Variants in ARNT2 observed in about 807,000 individuals in gnomAD.
ARNT2 encodes ARNT protein 2.
In ARNT2, 36 loss-of-function variants were observed where a neutral mutation model predicts 91.7. That is an observed-to-expected ratio of 0.39 (90% CI 0.30 to 0.52). The LOEUF (loss-of-function observed/expected upper bound fraction) is 0.52. ARNT2 is among the 20% of genes least tolerant of loss of function. The pLI, the probability that ARNT2 is intolerant of heterozygous loss-of-function variation, is 0.72. For synonymous variants in ARNT2, 365 were observed against 347.1 expected, an observed-to-expected ratio of 1.05 and a Z score of -0.57; for missense variants, 775 against 939.3, an observed-to-expected ratio of 0.83 and a Z score of 2.29.
intron 1 of ARNT2, among the ~76,000 whole-genome samples, chr15:80,419,355 G>T (rs1895830320): frequency 6.6e-6 from 1 of 152,230 alleles, no homozygotes; most frequent in South Asian, 2.1e-4. Context: ...AACTCACCTG[G>T]TTCAGGATGG....
chr15:80,479,088 G>A (rs779970887), intron 5 of ARNT2, among the ~76,000 whole-genome samples: 1 of 152,190 alleles, frequency 6.6e-6, no homozygotes, highest in Non-Finnish European at 1.5e-5. Context: ...TCTCAGTGGT[G>A]ATTCAATGTC....
intron 8 of ARNT2, among the ~76,000 whole-genome samples, chr15:80,536,513 AT>A (rs1489390619): frequency 6.6e-6 from 1 of 152,146 alleles, no homozygotes; most frequent in Non-Finnish European, 1.5e-5. Flanking sequence ...CCCTTTTCGT[AT>A]TGACACAGCT....
intron 8 of ARNT2, among the ~76,000 whole-genome samples, chr15:80,522,798 ATGTGTGTG>A (rs367547537): frequency 1.1e-4 from 16 of 142,506 alleles, no homozygotes; most frequent in East Asian, 4.0e-4. Flanking sequence ...ATATTTACAT[ATGTGTGTG>A]TGTGTGTGTG....
intron 12 of ARNT2, among the ~76,000 whole-genome samples, chr15:80,572,197 AG>A (rs990426007): frequency 1.3e-5 from 2 of 151,968 alleles, no homozygotes; most frequent in African/African-American, 4.8e-5. Context: ...GGCACCTAGC[AG>A]GGGGCCAGGG....
At chr15:80,425,182 A>T (rs1895915830) in intron 1 of ARNT2, among the ~76,000 whole-genome samples, 1 of 152,242 alleles carries the variant, frequency 6.6e-6, no homozygotes, top group Non-Finnish European at 1.5e-5. Context: ...AGACTCAAAC[A>T]TATCTCCGAG....
chr15:80,541,730 A>G (rs1897909193), intron 8 of ARNT2, among the ~76,000 whole-genome samples: 2 of 152,224 alleles, frequency 1.3e-5, no homozygotes, highest in Non-Finnish European at 2.9e-5. Flanking sequence ...TATTGTGCAA[A>G]CAATGCTTGG....
At chr15:80,534,993 A>G (rs1036607020) in intron 8 of ARNT2, among the ~76,000 whole-genome samples, 2 of 152,202 alleles carry the variant, frequency 1.3e-5, no homozygotes, top group Non-Finnish European at 2.9e-5. Flanking sequence ...CAGAGACCCA[A>G]CAAATCAGGA....
At position 80,552,714 on chromosome 15, in the gene ARNT2, C is replaced by T. The variant is rs139389870; in HGVS notation, c.1029C>T (p.Ser343=). 2.3e-4 allele frequency: 372 copies of T among 1,614,072 alleles called. 2 individuals are homozygous for T. The African/African-American group carries it at 4.1e-3, about 18-fold the overall frequency. ...CAGAGTTCTTATCCCGGCATAACTC[C>T]GATGGAATCATCACATTTGTGGATC... is the stretch of plus-strand genomic sequence containing the variant. ...VPTEFLSRHN[S]DGIITFVDPR... Residue 343 remains serine (S), a synonymous_variant, in exon 10 of 19, where the codon TCC becomes TCT. Transcript: ENST00000303329.
chr15:80,461,220 A>G (rs1334081874), intron 3 of ARNT2, among the ~76,000 whole-genome samples: 1 of 152,222 alleles, frequency 6.6e-6, no homozygotes, highest in Non-Finnish European at 1.5e-5. Context: ...GTATAAGTGC[A>G]ATTTCCCTCC....
At chr15:80,420,857 A>G (rs1814723742) in intron 1 of ARNT2, among the ~76,000 whole-genome samples, 1 of 152,168 alleles carries the variant, frequency 6.6e-6, no homozygotes, top group African/African-American at 2.4e-5. Flanking sequence ...GGTAACTGAA[A>G]GTGAAAGATA....
intron 8 of ARNT2, among the ~76,000 whole-genome samples, chr15:80,528,755 C>G (rs1299558010): frequency 6.6e-6 from 1 of 152,166 alleles, no homozygotes; most frequent in Non-Finnish European, 1.5e-5. Flanking sequence ...CCTTCACCTT[C>G]CACCAGAGTA....
chr15:80,410,329 G>GA (rs1895662938), intron 1 of ARNT2, among the ~76,000 whole-genome samples: 2 of 152,302 alleles, frequency 1.3e-5, no homozygotes, highest in Non-Finnish European at 2.9e-5. Context: ...AGGAGTTAGG[G>GA]GAAGAGTCAA....
intron 4 of ARNT2, among the ~76,000 whole-genome samples, chr15:80,471,388 T>C (rs976783299): frequency 6.6e-6 from 1 of 151,590 alleles, no homozygotes; most frequent in Non-Finnish European, 1.5e-5. Flanking sequence ...AGGATGGAGG[T>C]TGGGAGGAGG....
chr15:80,578,825 T>G (rs913652229), intron 15 of ARNT2, among the ~76,000 whole-genome samples: 3 of 152,208 alleles, frequency 2.0e-5, no homozygotes, highest in Non-Finnish European at 2.9e-5. Flanking sequence ...CTGTTAGGGC[T>G]AAAGCCTGTG....
intron 3 of ARNT2, among the ~76,000 whole-genome samples, chr15:80,461,932 T>C (rs1282128247): frequency 2.0e-5 from 3 of 152,126 alleles, no homozygotes; most frequent in African/African-American, 7.2e-5. Flanking sequence ...AAACCCTGTG[T>C]CTTTGGAAAA....
At chr15:80,579,596 T>C (rs113431089) in intron 15 of ARNT2, among the ~76,000 whole-genome samples, 3 of 152,270 alleles carry the variant, frequency 2.0e-5, no homozygotes, top group African/African-American at 4.8e-5. Context: ...CCCAGCGCAC[T>C]GCCCTGCATG....
intron 8 of ARNT2, among the ~76,000 whole-genome samples, chr15:80,536,049 G>T (rs1190990501): frequency 6.6e-6 from 1 of 152,162 alleles, no homozygotes; most frequent in Admixed American, 6.5e-5. Context: ...TTATGGTCTA[G>T]AAAACCAAAC....
Position 80,404,604 on chromosome 15 carries a change from G to C in ARNT2, c.31+58G>C. 1 of 1,020,646 alleles carries C rather than the reference G, an allele frequency of 9.8e-7. No homozygotes were observed. The highest frequency in any genetic ancestry group is 1.2e-6 in the Non-Finnish European group (1 of 852,592). 63.2% of individuals were successfully genotyped at this position (1,020,646 alleles called of 1,614,324 possible). ...CAGCCCGCAGGCCTTGCCCGGGGCC[G>C]GAGCGGACCAGGCGCGCCGGGCGCC... is the stretch of plus-strand genomic sequence containing the variant. On this transcript the variant is annotated intron_variant, in intron 1 of 18. Coordinates refer to ENST00000303329, the MANE Select transcript of ARNT2 (RefSeq NM_014862.4). This position sits in a 1 kb window ranked among gnomAD's most constrained non-coding sequence, Gnocchi z 5.5.
chr15:80,412,092 A>T (rs1339022563), intron 1 of ARNT2, among the ~76,000 whole-genome samples: 1 of 152,254 alleles, frequency 6.6e-6, no homozygotes, highest in African/African-American at 2.4e-5. Flanking sequence ...CCTCTGATTG[A>T]ATAGTGCAGG....
Sources: allele counts gnomAD v4.1 joint callset (sites outside exome capture counted in the v4.1 genomes callset), GRCh38; gene constraint gnomAD v4.1.1; non-coding constraint Gnocchi (gnomAD v3.1); transcripts MANE v1.5; gene names NCBI Gene and HGNC (gene_info 2026-07-23, HGNC 2026-07-21).